ELMO1: variants seen among roughly 807,000 people sequenced by gnomAD.
The protein encoded by ELMO1 is engulfment and cell motility 1.
Under a neutral mutation model 98.9 loss-of-function variants are expected in ELMO1, and 26 were observed. That is an observed-to-expected ratio of 0.26 (90% CI 0.19 to 0.36). The LOEUF is 0.36. Ranked by LOEUF, ELMO1 falls within the 10% of genes least tolerant of loss-of-function variation. The pLI is 1.00. For synonymous variants in ELMO1, 346 were observed against 346.0 expected (o/e 1.00, Z 0.00); for missense variants, 627 against 935.2 (o/e 0.67, Z 4.30).
intron 6 of ELMO1, among the ~76,000 whole-genome samples, chr7:37,256,104 TC>T: frequency 6.6e-6 from 1 of 152,220 alleles, no homozygotes; most frequent in Admixed American, 6.5e-5. Flanking sequence ...GCTCCTTGGA[TC>T]CCTAAACTTT....
At chr7:37,219,579 C>T (rs991344020) in intron 10 of ELMO1, among the ~76,000 whole-genome samples, 1 of 152,102 alleles carries the variant, frequency 6.6e-6, no homozygotes, top group African/African-American at 2.4e-5. Context: ...AGAAAATGGG[C>T]TTGGTGCTAT....
chr7:36,872,374 A>G (rs1422057181), intron 19 of ELMO1, among the ~76,000 whole-genome samples: 2 of 152,206 alleles, frequency 1.3e-5, no homozygotes, highest in Admixed American at 6.5e-5. Flanking sequence ...TTCCTGAATG[A>G]CTATATGGAG....
intron 15 of ELMO1, among the ~76,000 whole-genome samples, chr7:37,063,760 A>G (rs963096820): frequency 2.0e-5 from 3 of 152,044 alleles, no homozygotes; most frequent in Admixed American, 2.0e-4. Context: ...TATTGAGAAA[A>G]CGCACGTTCA....
At chr7:37,153,294 G>C (rs1788488814) in intron 13 of ELMO1, among the ~76,000 whole-genome samples, 1 of 152,138 alleles carries the variant, frequency 6.6e-6, no homozygotes, top group Non-Finnish European at 1.5e-5. Flanking sequence ...TTGAATAGTG[G>C]ATGCAGCCTA....
chr7:36,895,282 C>T (rs1805899387), intron 16 of ELMO1, among the ~76,000 whole-genome samples: 1 of 152,188 alleles, frequency 6.6e-6, no homozygotes, highest in African/African-American at 2.4e-5. Context: ...GTGTACTCCA[C>T]TTGCTTGACA....
intron 4 of ELMO1, among the ~76,000 whole-genome samples, chr7:37,292,901 C>T (rs1797808685): frequency 3.5e-5 from 3 of 85,790 alleles, no homozygotes; most frequent in African/African-American, 7.8e-5. Flanking sequence ...CCAGCCGCCC[C>T]GTCCGGGAGG....
intron 15 of ELMO1, among the ~76,000 whole-genome samples, chr7:37,067,879 G>A (rs147220813): frequency 3.4e-4 from 52 of 152,170 alleles, no homozygotes; most frequent in African/African-American, 1.2e-3. Context: ...AATCTCAGAA[G>A]GATGAGTTGA....
intron 4 of ELMO1, among the ~76,000 whole-genome samples, chr7:37,299,783 A>C (rs1198255751): frequency 3.1e-5 from 1 of 32,464 alleles, no homozygotes; most frequent in African/African-American, 6.2e-5. Context: ...ACTTTAAAGT[A>C]GTTTTTTCCA....
intron 7 of ELMO1, among the ~76,000 whole-genome samples, chr7:37,242,302 T>C (rs1794802066): frequency 6.6e-6 from 1 of 152,204 alleles, no homozygotes; most frequent in Non-Finnish European, 1.5e-5. Context: ...TCTGGTTATT[T>C]TTATGGTTTC....
rs1301358630 is a variant in ELMO1 at position 37,324,080 on chromosome 7, C to A, written c.79-8120G>T. Among the ~76,000 whole-genome samples, 5 of 150,790 alleles carry A rather than the reference C, an allele frequency of 3.3e-5. No individual in the cohort carries two copies. The East Asian group carries it at 7.7e-4, about 23-fold the overall frequency. ...TTCCTGGAAGCACCTTCCCAGGAGACCCCCCAGCTGTCAGCCCTCATCAGA... is the reference window on the plus strand; with the variant it reads ...TTCCTGGAAGCACCTTCCCAGGAGAACCCCCAGCTGTCAGCCCTCATCAGA... On this transcript the variant is annotated intron_variant, in intron 2 of 21. Coordinates refer to ENST00000310758, the MANE Select transcript of ELMO1 (RefSeq NM_014800.11).
At chr7:36,919,905 T>A (rs1426741114) in intron 16 of ELMO1, among the ~76,000 whole-genome samples, 2 of 152,302 alleles carry the variant, frequency 1.3e-5, no homozygotes, top group African/African-American at 4.8e-5. Flanking sequence ...CTTAATTATG[T>A]GAACCATTCA....
At chr7:36,861,294 T>C (rs1010117244) in intron 21 of ELMO1, among the ~76,000 whole-genome samples, 1 of 152,220 alleles carries the variant, frequency 6.6e-6, no homozygotes, top group Non-Finnish European at 1.5e-5. Flanking sequence ...CTTCCTCAGA[T>C]GTTTTAAAGA....
At chr7:37,440,198 C>T (rs1033511579) in intron 1 of ELMO1, among the ~76,000 whole-genome samples, 4 of 152,112 alleles carry the variant, frequency 2.6e-5, no homozygotes, top group Non-Finnish European at 1.5e-5. Context: ...AATCACAACA[C>T]TTTGGGAGGC....
chr7:36,887,983 T>C (rs964419773), intron 17 of ELMO1, among the ~76,000 whole-genome samples: 3 of 152,230 alleles, frequency 2.0e-5, no homozygotes, highest in African/African-American at 7.2e-5. Flanking sequence ...TACAAAGTTA[T>C]GCAAAAATCC....
chr7:37,023,701 G>A (rs951458066), intron 15 of ELMO1, among the ~76,000 whole-genome samples: 17 of 152,066 alleles, frequency 1.1e-4, no homozygotes, highest in African/African-American at 3.9e-4. Flanking sequence ...CCCGCATCCT[G>A]GATTCAAGTG....
At chr7:37,036,822 T>A (rs1363416693) in intron 15 of ELMO1, among the ~76,000 whole-genome samples, 1 of 152,188 alleles carries the variant, frequency 6.6e-6, no homozygotes, top group Non-Finnish European at 1.5e-5. Context: ...AAAGCTATGT[T>A]AAGGATCCAA....
At position 37,236,995 on chromosome 7, in the gene ELMO1, G is replaced by A. The variant is rs149380376; in HGVS notation, c.450-3801C>T. Among the ~76,000 whole-genome samples the A allele has an allele frequency of 3.4e-3, 518 of 152,242 alleles. 1 individual carries two copies. The highest frequency in any genetic ancestry group is 0.028 in the East Asian group (146 of 5,186). On this transcript the variant is annotated intron_variant, in intron 7 of 21. Transcript: ENST00000310758. ...ATCCAGGAACATTTTTATTTGTTTG[G>A]ATTATTTGTATTTTGTAAACTGTTA...
intron 4 of ELMO1, among the ~76,000 whole-genome samples, chr7:37,280,502 G>A (rs570654928): frequency 4.1e-4 from 62 of 151,112 alleles, no homozygotes; most frequent in African/African-American, 1.5e-3. Flanking sequence ...AAACAAATCA[G>A]TAAGAAAAAA....
At chr7:37,345,824 C>T (rs1373663703) in intron 1 of ELMO1, among the ~76,000 whole-genome samples, 1 of 151,760 alleles carries the variant, frequency 6.6e-6, no homozygotes, top group African/African-American at 2.4e-5. Context: ...CCCATCTCTA[C>T]TAAAAATACA....
Sources: allele counts gnomAD v4.1 joint callset (sites outside exome capture counted in the v4.1 genomes callset), GRCh38; gene constraint gnomAD v4.1.1; transcripts MANE v1.5; gene names NCBI Gene and HGNC (gene_info 2026-07-23, HGNC 2026-07-21).